Variants in ZNF75A observed in about 807,000 individuals in gnomAD.
The protein encoded by ZNF75A is zinc finger protein 75A.
A neutral mutation model predicts 46.3 loss-of-function variants in ZNF75A; 36 were observed. That is an observed-to-expected ratio of 0.78 (90% CI 0.60 to 1.03). ZNF75A has a LOEUF of 1.03. ZNF75A is among the 50% of genes least tolerant of loss of function. The pLI is 0.00. For synonymous variants in ZNF75A, 234 were observed against 189.9 expected, an observed-to-expected ratio of 1.23 and a Z score of -1.91; for missense variants, 595 against 551.3, an observed-to-expected ratio of 1.08 and a Z score of -0.79.
chr16:3,323,357 T>G, downstream of ZNF75A: 1 of 1,081,580 alleles, frequency 9.2e-7, no homozygotes, highest in Non-Finnish European at 1.4e-6. Flanking sequence ...GGCAATTTCA[T>G]GAATGAGGTC....
intron 2 of ZNF75A, 31 bp downstream of exon 2, chr16:3,308,867 G>A: frequency 4.1e-6 from 4 of 984,362 alleles, no homozygotes; most frequent in Non-Finnish European, 4.8e-6. Flanking sequence ...CATGTACAGT[G>A]AAATAGGATG....
chr16:3,319,956 A>G (rs1429155330), downstream of ZNF75A, among the ~76,000 whole-genome samples: 1 of 152,178 alleles, frequency 6.6e-6, no homozygotes, highest in African/African-American at 2.4e-5. Flanking sequence ...CCAGACCTAT[A>G]GTGAACTTTG....
At chr16:3,315,474 C>T (rs564651052) in intron 5 of ZNF75A, among the ~76,000 whole-genome samples, 4 of 152,100 alleles carry the variant, frequency 2.6e-5, no homozygotes, top group South Asian at 4.1e-4. Context: ...GGATTATAGG[C>T]GTGAGCCACC....
In ZNF75A at chr16:3,316,969, C is replaced by G; in HGVS notation, c.881C>G (p.Pro294Arg). The G allele has an allele frequency of 6.2e-7, 1 of 1,614,066 alleles. No individual in the cohort carries two copies. Among genetic ancestry groups the G allele is most frequent in the Non-Finnish European group, 8.5e-7 (1 of 1,180,004 alleles). ...VISCLEQGEE[P>R]WVQVSPEFKD... ...TCCTGTCTAGAGCAAGGGGAAGAGC[C>G]ATGGGTTCAAGTATCCCCGGAGTTT... The change falls in exon 6 of 7, where the codon CCA becomes CGA. Residue 294 changes from proline to arginine, a missense_variant. Coordinates refer to ENST00000669516, the MANE Select transcript of ZNF75A (RefSeq NM_001302109.2).
chr16:3,306,987 T>G (rs955224056), intron 1 of ZNF75A: 4 of 152,106 alleles, frequency 2.6e-5, no homozygotes, highest in African/African-American at 9.7e-5. Context: ...AATCTCGTTT[T>G]GCTGCCCTGG....
chr16:3,311,933 C>CACAG lies in ZNF75A; in HGVS notation c.589_590insACAG (p.Pro197HisfsTer5). 1.0e-6 allele frequency: 1 copy of CACAG among 986,510 alleles called. No homozygotes were observed. Among genetic ancestry groups the CACAG allele is most frequent in the Non-Finnish European group, 1.2e-6 (1 of 830,122 alleles). The allele number at this position is 986,510 out of a possible 1,614,324, so 61.1% of individuals were successfully genotyped here. ...CAGGAATACTCATAAAGAGACTGAG[C>CACAG]CTGTGTATGAGAGGGGTAAGGAGCT... is the stretch of plus-strand genomic sequence containing the variant. On this transcript the variant is annotated frameshift_variant, in exon 3 of 7. Coordinates refer to ENST00000669516, the MANE Select transcript of ZNF75A (RefSeq NM_001302109.2). LOFTEE classifies it high-confidence loss of function.
At position 3,317,663 on chromosome 16, in the gene ZNF75A, A is replaced by G. The variant is rs1028944954; in HGVS notation, c.1408A>G (p.Asn470Asp). 16 of 1,614,168 alleles carry G rather than the reference A, an allele frequency of 9.9e-6. No homozygotes were observed. The highest frequency in any genetic ancestry group is 1.4e-5 in the Non-Finnish European group (16 of 1,180,014). ...ATGGTGTGGGAAAAGCTTCAGTCAAAATACAAATTTACATACACACCAAAG... is the reference window on the plus strand; with the variant it reads ...ATGGTGTGGGAAAAGCTTCAGTCAAGATACAAATTTACATACACACCAAAG... ...CSWCGKSFSQ[N>D]TNLHTHQRTH... The change falls in exon 7 of 7, where the codon AAT (asparagine) becomes GAT (aspartate). Residue 470 changes from asparagine to aspartate, a missense_variant. Coordinates refer to ENST00000669516, the MANE Select transcript of ZNF75A (RefSeq NM_001302109.2).
downstream of ZNF75A, among the ~76,000 whole-genome samples, chr16:3,322,687 C>T (rs1435701385): frequency 6.6e-6 from 1 of 152,278 alleles, no homozygotes; most frequent in African/African-American, 2.4e-5. Context: ...GGATATGATG[C>T]ACCTTTTAGG....
Position 3,308,748 on chromosome 16 carries a change from A to G in ZNF75A, c.320A>G (p.Gln107Arg). Residue 107 changes from glutamine to arginine, a missense_variant, in exon 2 of 7, where the codon CAG becomes CGG. Gln to Arg is a conservative substitution (Grantham distance 43). Transcript: ENST00000669516. ...ATTCTGCCCAGGGAGACACAGACCCAGATGCAGAAGCACCATCCACAGAGC... is the reference window on the plus strand; with the variant it reads ...ATTCTGCCCAGGGAGACACAGACCCGGATGCAGAAGCACCATCCACAGAGC... ...LTILPRETQTQMQKHHPQSIE... is the reference protein window; with the variant it reads ...LTILPRETQTRMQKHHPQSIE... 1.0e-6 allele frequency: 1 copy of G among 988,836 alleles called. No homozygotes were observed. The highest frequency in any genetic ancestry group is 4.5e-5 in the South Asian group (1 of 22,074). The allele number at this position is 988,836 out of a possible 1,614,324, so 61.3% of individuals were successfully genotyped here. A position where few individuals can be genotyped will look rare whatever the true frequency, so the allele number is the denominator to read the frequency against.
chr16:3,320,311 C>T (rs574285127), downstream of ZNF75A, among the ~76,000 whole-genome samples: 9 of 152,106 alleles, frequency 5.9e-5, no homozygotes, highest in Admixed American at 1.3e-4. Flanking sequence ...CCCAAAGTGC[C>T]GGGATTACAG....
chr16:3,322,014 C>T (rs1024536345), downstream of ZNF75A, among the ~76,000 whole-genome samples: 2 of 152,168 alleles, frequency 1.3e-5, no homozygotes, highest in African/African-American at 4.8e-5. Context: ...GAAGCATTTA[C>T]TCCAGCATTT....
chr16:3,314,111 A>G lies in ZNF75A; in HGVS notation c.823+936A>G, dbSNP rs1458251481. 2.6e-5 allele frequency among the ~76,000 whole-genome samples: 4 copies of G among 152,156 alleles called. No individual in the cohort carries two copies. The East Asian group carries it at 7.7e-4, about 29-fold the overall frequency. Reference sequence around the variant, plus strand: ...AACTTTCCTCTTGAAAACTGAGGATAATCATCTGGGGAACCGGTTCTAGGG... The same window carrying G: ...AACTTTCCTCTTGAAAACTGAGGATGATCATCTGGGGAACCGGTTCTAGGG... On this transcript the variant is annotated intron_variant, in intron 5 of 6. Transcript: ENST00000669516.
At chr16:3,314,326 T>C (rs564619505) in intron 5 of ZNF75A, among the ~76,000 whole-genome samples, 1 of 152,292 alleles carries the variant, frequency 6.6e-6, no homozygotes, top group African/African-American at 2.4e-5. Context: ...CTCAACAGAT[T>C]TTAGTCTTTC....
At position 3,317,775 on chromosome 16, in the gene ZNF75A, C is replaced by T. The variant is rs1369728909; in HGVS notation, c.1520C>T (p.Thr507Ile). ...TCCCACCTTATTAAACACCGGAGAACCCACACAGGTGAGCAGCCATATACT... is the reference window on the plus strand; with the variant it reads ...TCCCACCTTATTAAACACCGGAGAATCCACACAGGTGAGCAGCCATATACT... ...QNSHLIKHRRTHTGEQPYTCS... is the reference protein window; with the variant it reads ...QNSHLIKHRRIHTGEQPYTCS... The change falls in exon 7 of 7, where the codon ACC becomes ATC. Residue 507 changes from threonine to isoleucine, a missense_variant. Physicochemically the swap from Thr to Ile is moderately conservative, Grantham distance 89. Transcript: ENST00000669516. 8 of 1,614,158 alleles carry T rather than the reference C, an allele frequency of 5.0e-6. No homozygotes were observed. The highest frequency in any genetic ancestry group is 6.8e-6 in the Non-Finnish European group (8 of 1,180,032).
downstream of ZNF75A, among the ~76,000 whole-genome samples, chr16:3,320,496 A>G (rs1226570850): frequency 6.6e-6 from 1 of 152,174 alleles, no homozygotes; most frequent in Non-Finnish European, 1.5e-5. Context: ...CTGATGCAAC[A>G]CTAATGGGAC....
intron 4 of ZNF75A, 48 bp from the exon 5 acceptor site, chr16:3,313,001 C>T: frequency 6.3e-7 from 1 of 1,577,520 alleles, no homozygotes; most frequent in Non-Finnish European, 8.6e-7. Context: ...GGCTAGGCTG[C>T]TTCTGTACAG....
chr16:3,309,645 A>G (rs1960579213), intron 2 of ZNF75A, among the ~76,000 whole-genome samples: 1 of 150,882 alleles, frequency 6.6e-6, no homozygotes. Flanking sequence ...GGTCCCAGTT[A>G]CTTGGGAGGC....
At chr16:3,310,757 C>G in intron 2 of ZNF75A, 4 of 985,418 alleles carry the variant, frequency 4.1e-6, no homozygotes, top group Non-Finnish European at 4.8e-6. Context: ...AGGAAATGCA[C>G]TGATGGGTAA....
rs970932177 is a variant in ZNF75A, at chr16:3,318,029, C to T, written c.*160C>T. 3.5e-6 allele frequency: 5 copies of T among 1,415,682 alleles called. No individual in the cohort carries two copies. Among genetic ancestry groups the T allele is most frequent in the Non-Finnish European group, 4.6e-6 (5 of 1,091,852 alleles). 87.7% of individuals were successfully genotyped at this position (1,415,682 alleles called of 1,614,324 possible). ...AAAATAATCAAGACTTGCTCTGCAG[C>T]CACTCAGTAGTCTTCTGTGGTCACA... On this transcript the variant is annotated 3_prime_UTR_variant, in exon 7 of 7. Coordinates refer to ENST00000669516, the MANE Select transcript of ZNF75A (RefSeq NM_001302109.2).
Sources: gnomAD v4.1 joint callset for allele counts (sites outside exome capture counted in the v4.1 genomes callset) on GRCh38, gnomAD v4.1.1 for gene constraint, MANE v1.5 for transcripts, NCBI Gene and HGNC (gene_info 2026-07-23, HGNC 2026-07-21) for gene names.